Variants in CPQ observed in about 807,000 individuals in gnomAD.
CPQ encodes the protein Ser-Met dipeptidase.
In CPQ, 37 loss-of-function variants were observed where a neutral mutation model predicts 45.7. The observed-to-expected ratio is 0.81, with a 90% CI of 0.62 to 1.07. The LOEUF (loss-of-function observed/expected upper bound fraction) is 1.07, where lower values mean the gene tolerates loss of function less well. Ranked by LOEUF, CPQ falls within the 50% of genes least tolerant of loss-of-function variation. The pLI is 0.00. For synonymous variants in CPQ, 186 were observed against 205.8 expected (o/e 0.90, Z 0.82); for missense variants, 537 against 572.9 (o/e 0.94, Z 0.64).
chr8:96,745,574 C>A (rs747766976), intron 1 of CPQ, among the ~76,000 whole-genome samples: 1 of 152,128 alleles, frequency 6.6e-6, no homozygotes, highest in Admixed American at 6.5e-5. Flanking sequence ...AAGGGCTCAT[C>A]ATCCTTATTT....
At chr8:96,925,730 G>C (rs368032393) in intron 4 of CPQ, among the ~76,000 whole-genome samples, 178 of 142,986 alleles carry the variant, frequency 1.2e-3, no homozygotes, top group African/African-American at 4.6e-3. Flanking sequence ...TTGCTCTGTC[G>C]CCAGGCTGGA....
intron 7 of CPQ, among the ~76,000 whole-genome samples, chr8:97,088,404 G>C (rs962539299): frequency 2.6e-5 from 4 of 152,088 alleles, no homozygotes; most frequent in African/African-American, 9.7e-5. Context: ...ATGTTGTTTG[G>C]TTCTATATAC....
intron 4 of CPQ, among the ~76,000 whole-genome samples, chr8:96,963,995 T>A (rs1287194834): frequency 1.3e-5 from 2 of 152,172 alleles, no homozygotes; most frequent in East Asian, 3.8e-4. Flanking sequence ...TGTTTTTTCA[T>A]TTTCCATTTC....
chr8:96,665,246 T>C (rs1177819200), intron 1 of CPQ, among the ~76,000 whole-genome samples: 1 of 151,692 alleles, frequency 6.6e-6, no homozygotes, highest in Non-Finnish European at 1.5e-5. Flanking sequence ...AGCAAGGGAG[T>C]GATTTGGCTA....
chr8:97,021,238 C>G (rs1809675165), intron 5 of CPQ, among the ~76,000 whole-genome samples: 1 of 152,068 alleles, frequency 6.6e-6, no homozygotes, highest in South Asian at 2.1e-4. Context: ...TAATGAAAGC[C>G]ATCTATGACA....
chr8:97,015,482 T>G (rs1809563297), intron 5 of CPQ, among the ~76,000 whole-genome samples: 1 of 151,942 alleles, frequency 6.6e-6, no homozygotes, highest in Non-Finnish European at 1.5e-5. Flanking sequence ...TTAACAATTA[T>G]CTCAATCAAG....
At chr8:97,077,956 G>A (rs768377699) in intron 7 of CPQ, among the ~76,000 whole-genome samples, 5 of 152,136 alleles carry the variant, frequency 3.3e-5, no homozygotes, top group Non-Finnish European at 5.9e-5. Context: ...GTATAAGAAG[G>A]TAGGATAAAT....
intron 1 of CPQ, among the ~76,000 whole-genome samples, chr8:96,737,681 A>G (rs1810006274): frequency 6.6e-6 from 1 of 152,158 alleles, no homozygotes; most frequent in South Asian, 2.1e-4. Context: ...ACCCACACAG[A>G]CACACTCAGG....
intron 1 of CPQ, among the ~76,000 whole-genome samples, chr8:96,781,527 C>T (rs770978397): frequency 7.2e-5 from 11 of 152,182 alleles, no homozygotes; most frequent in Non-Finnish European, 1.3e-4. Flanking sequence ...AAGGTCCTAC[C>T]TTCCAAGACC....
At chr8:96,776,373 G>A (rs911775754) in intron 1 of CPQ, among the ~76,000 whole-genome samples, 4 of 152,064 alleles carry the variant, frequency 2.6e-5, no homozygotes, top group Non-Finnish European at 5.9e-5. Flanking sequence ...GAGGGTTTAG[G>A]GGAAATATTT....
intron 1 of CPQ, among the ~76,000 whole-genome samples, chr8:96,749,771 G>A (rs1036682156): frequency 2.0e-4 from 31 of 152,192 alleles, no homozygotes; most frequent in Non-Finnish European, 4.4e-5. Context: ...GTAGAAATTG[G>A]TACAGCCTTT....
At chr8:96,744,857 A>G (rs539668945) in intron 1 of CPQ, among the ~76,000 whole-genome samples, 8 of 152,168 alleles carry the variant, frequency 5.3e-5, no homozygotes, top group Non-Finnish European at 8.8e-5. Context: ...TCATCTTATA[A>G]TGGTTTGGAC....
intron 7 of CPQ, among the ~76,000 whole-genome samples, chr8:97,123,067 A>AAATAAAATAAAAT (rs1811764350): frequency 4.4e-5 from 3 of 68,382 alleles, no homozygotes; most frequent in African/African-American, 1.1e-4. Flanking sequence ...TAAAATAAAA[A>AAATAAAATAAAAT]AAATAAAATA....
chr8:97,117,440 A>T (rs1811613973), intron 7 of CPQ, among the ~76,000 whole-genome samples: 1 of 152,212 alleles, frequency 6.6e-6, no homozygotes. Context: ...GCCAGCCAAG[A>T]CAGTTGGTTA....
At chr8:96,889,692 G>C (rs1310961967) in intron 4 of CPQ, among the ~76,000 whole-genome samples, 1 of 152,148 alleles carries the variant, frequency 6.6e-6, no homozygotes, top group African/African-American at 2.4e-5. Flanking sequence ...CCAAAGGCCC[G>C]AGAGCCCTTG....
chr8:96,990,522 G>A (rs892745965), intron 5 of CPQ, among the ~76,000 whole-genome samples: 1 of 152,176 alleles, frequency 6.6e-6, no homozygotes, highest in Non-Finnish European at 1.5e-5. Flanking sequence ...GGGATGCCTA[G>A]GCACACAGAA....
intron 1 of CPQ, among the ~76,000 whole-genome samples, chr8:96,762,651 C>G (rs1437872279): frequency 6.6e-6 from 1 of 152,084 alleles, no homozygotes; most frequent in African/African-American, 2.4e-5. Context: ...CTGCTTATGT[C>G]TGTTTTATAT....
chr8:96,713,381 C>T (rs139612482), intron 1 of CPQ, among the ~76,000 whole-genome samples: 100 of 152,224 alleles, frequency 6.6e-4, no homozygotes, highest in African/African-American at 2.4e-3. Flanking sequence ...TGTATTAGTC[C>T]ATTCTTGTGC....
chr8:96,786,223 T>C (rs1175529446), intron 2 of CPQ, among the ~76,000 whole-genome samples: 2 of 152,184 alleles, frequency 1.3e-5, no homozygotes, highest in East Asian at 1.9e-4. Context: ...ATCTGCTTTC[T>C]GTCTTTATGG....
Sources: allele counts gnomAD v4.1 joint callset (sites outside exome capture counted in the v4.1 genomes callset), GRCh38; gene constraint gnomAD v4.1.1; transcripts MANE v1.5; gene names NCBI Gene and HGNC (gene_info 2026-07-23, HGNC 2026-07-21).